Variants in DIDO1 observed in about 807,000 individuals in gnomAD.
DIDO1 encodes the protein death inducer-obliterator 1, also known as death-inducer obliterator 1.
DIDO1 carries 16 observed loss-of-function variants against 99.4 expected under a neutral mutation model. That is an observed-to-expected ratio of 0.16 (90% CI 0.11 to 0.24). The LOEUF (loss-of-function observed/expected upper bound fraction) is 0.24. Among genes scored for constraint, DIDO1 ranks in the 10% least tolerant of loss-of-function variants. DIDO1 has a pLI of 1.00. For missense variants in DIDO1, 2,996 were observed against 3,014.0 expected (o/e 0.99, Z 0.14); for synonymous variants, 1,366 against 1,239.1 (o/e 1.10, Z -2.15).
chr20:62,918,302 G>A (rs2065074251), intron 1 of DIDO1, among the ~76,000 whole-genome samples: 1 of 152,118 alleles, frequency 6.6e-6, no homozygotes, highest in African/African-American at 2.4e-5. Flanking sequence ...TAACTCAAGC[G>A]TGCCCACTTC....
At position 62,878,253 on chromosome 20, in the gene DIDO1, C is replaced by G. The variant is rs997453131; in HGVS notation, c.*980G>C. On this transcript the variant is annotated 3_prime_UTR_variant, in exon 16 of 16. Transcript: ENST00000395343. ...ACTTCAGAAGTACTCGAAAAATACA[C>G]GACAAGCAAGAGACTGTTTCACAGT... The G allele has an allele frequency of 1.3e-5, 2 of 151,964 alleles. No individual in the cohort carries two copies. The highest frequency in any genetic ancestry group is 6.5e-5 in the Admixed American group (1 of 15,272). The allele number at this position is 151,964 out of a possible 1,614,324, so 9.4% of individuals were successfully genotyped here. A position where few individuals can be genotyped will look rare whatever the true frequency, so the allele number is the denominator to read the frequency against.
rs771049913 is a variant in DIDO1 at position 62,880,498 on chromosome 20, A to G, written c.5458T>C (p.Tyr1820His). The change falls in exon 16 of 16, where the codon TAT (tyrosine) becomes CAT (histidine). Residue 1820 changes from tyrosine to histidine, a missense_variant. Physicochemically the swap from Tyr to His is moderately conservative, Grantham distance 83. Transcript: ENST00000395343. ...LFSGQHGPPP[Y>H]GDSRGPSPSY... ...GGTGAGGGGCCTCTGCTGTCCCCATAAGGAGGTGGCCCATGTTGCCCCGAG... is the reference window on the plus strand; with the variant it reads ...GGTGAGGGGCCTCTGCTGTCCCCATGAGGAGGTGGCCCATGTTGCCCCGAG... The G allele has an allele frequency of 3.7e-6, 6 of 1,612,956 alleles. No homozygotes were observed. Among genetic ancestry groups the G allele is most frequent in the Non-Finnish European group, 5.1e-6 (6 of 1,179,978 alleles).
intron 15 of DIDO1, chr20:62,890,681 C>T (rs1440255674): frequency 7.8e-7 from 1 of 1,286,544 alleles, no homozygotes; most frequent in Non-Finnish European, 9.9e-7. Flanking sequence ...GGCACTGAGT[C>T]TTCTCTGACC....
rs111494237 is a variant in DIDO1, at chr20:62,900,453, G to A, written c.1589-3457C>T. Among the ~76,000 whole-genome samples, 848 of 152,338 alleles carry A rather than the reference G, an allele frequency of 5.6e-3. 6 individuals carry two copies. The highest frequency in any genetic ancestry group is 0.019 in the African/African-American group (770 of 41,566). ...TGGGTGGCACCAGGGCCTGAGCAGA[G>A]ACGGGGAGGAGAAAATCAGGCCCCC... On this transcript the variant is annotated intron_variant, in intron 6 of 15. Coordinates refer to ENST00000395343, the MANE Select transcript of DIDO1 (RefSeq NM_001193369.2).
chr20:62,926,244 G>A (rs1292767880), intron 1 of DIDO1, among the ~76,000 whole-genome samples, 195 bp downstream of exon 1: 1 of 118,522 alleles, frequency 8.4e-6, no homozygotes, highest in Admixed American at 8.2e-5. Flanking sequence ...GGCTCTGACC[G>A]GCCCCGCCCG....
chr20:62,891,068 G>A lies in DIDO1; in HGVS notation c.3433C>T (p.Arg1145Cys). ...TTGTTATTAGCTACAACACCAAAGC[G>A]GCCACGGCTGCTGAAATAGGAGTAG... ...SLYSYFSSRG[R>C]FGVVANNNRH... The change falls in exon 15 of 16, where the codon CGC becomes TGC. Residue 1145 changes from arginine (R) to cysteine (C), a missense_variant. Physicochemically the swap from Arg to Cys is radical, Grantham distance 180. Around this residue, in one of 5 missense-constraint regions of DIDO1, gnomAD observed 135 missense variants for 202.3 expected, o/e 0.67. Transcript: ENST00000395343. 4 of 1,614,164 alleles carry A rather than the reference G, an allele frequency of 2.5e-6. No individual in the cohort carries two copies. Among genetic ancestry groups the A allele is most frequent in the Non-Finnish European group, 3.4e-6 (4 of 1,180,036 alleles).
chr20:62,882,017 C>T lies in DIDO1; in HGVS notation c.3939G>A (p.Pro1313=), dbSNP rs1308076764. 21 of 1,613,366 alleles carry T rather than the reference C, an allele frequency of 1.3e-5. No homozygotes were observed. The highest frequency in any genetic ancestry group is 1.7e-5 in the Non-Finnish European group (20 of 1,180,042). The change falls in exon 16 of 16, where the codon CCG becomes CCA. Residue 1313 remains proline, a synonymous_variant. Transcript: ENST00000395343. ...TASSASKTAS[P]LEHILQTLFG... is the part of the protein sequence containing the mutation. ...AGAGAGTCTGCAGGATGTGCTCCAG[C>T]GGTGATGCTGTTTTGGAAGCAGACG...
intron 15 of DIDO1, chr20:62,887,641 A>C: frequency 1.0e-6 from 1 of 985,516 alleles, no homozygotes; most frequent in Non-Finnish European, 1.2e-6. Flanking sequence ...GGGGCTGGGC[A>C]TGGTTAACAG....
At chr20:62,926,506 G>A (rs1274658401), upstream of DIDO1, 2 of 151,920 alleles carry the variant, frequency 1.3e-5, no homozygotes, top group Admixed American at 6.6e-5. Context: ...CCACCGAGAT[G>A]GCGCGGGGCT....
At chr20:62,936,095 C>G (rs529640687) in intron 1 of DIDO1, among the ~76,000 whole-genome samples, 207 of 152,326 alleles carry the variant, frequency 1.4e-3, no homozygotes, top group African/African-American at 4.6e-3. Flanking sequence ...GCTTTCTGCT[C>G]GTGCATCCCC....
intron 8 of DIDO1, 86 bp from the exon 9 acceptor site, chr20:62,895,251 A>G: frequency 7.8e-7 from 1 of 1,276,520 alleles, no homozygotes; most frequent in Non-Finnish European, 1.1e-6. Context: ...GCTGCCCAGA[A>G]GTTTAGCGGG....
At chr20:62,908,256 CAG>C (rs1308506148) in intron 4 of DIDO1, among the ~76,000 whole-genome samples, 1 of 152,170 alleles carries the variant, frequency 6.6e-6, no homozygotes, top group Non-Finnish European at 1.5e-5. Flanking sequence ...GCTGGGATGA[CAG>C]GTGTGAGCCA....
chr20:62,893,941 C>T lies in DIDO1; in HGVS notation c.2826G>A (p.Pro942=), dbSNP rs528994429. The part of the protein sequence containing the change: ...PPGDGHPEPS[P]LEDLSPCPAS... The stretch of plus-strand genomic sequence containing the variant: ...CTGGGCAGGGGGACAGGTCTTCCAG[C>T]GGGGAGGGCTCGGGATGGCCATCTC... Residue 942 remains proline (P), a synonymous_variant, in exon 12 of 16, where the codon CCG becomes CCA. Transcript: ENST00000395343. 5.0e-5 allele frequency: 80 copies of T among 1,612,098 alleles called. 1 individual carries two copies. In the Admixed American group the frequency reaches 8.7e-4, roughly 17 times the overall value.
At chr20:62,924,003 C>A (rs1323890194) in intron 1 of DIDO1, among the ~76,000 whole-genome samples, 3 of 152,170 alleles carry the variant, frequency 2.0e-5, no homozygotes, top group African/African-American at 7.2e-5. Flanking sequence ...TAAAATGAGG[C>A]CTAGACAACA....
Position 62,878,192 on chromosome 20 carries a change from T to C in DIDO1, c.*1041A>G, listed in dbSNP as rs2064138878. 6.6e-6 allele frequency: 1 copy of C among 152,234 alleles called. No individual in the cohort carries two copies. Among genetic ancestry groups the C allele is most frequent in the Middle Eastern group, 3.2e-3 (1 of 316 alleles). 9.4% of individuals were successfully genotyped at this position (152,234 alleles called of 1,614,324 possible). On this transcript the variant is annotated 3_prime_UTR_variant, in exon 16 of 16. Coordinates refer to ENST00000395343, the MANE Select transcript of DIDO1 (RefSeq NM_001193369.2). ...AATATAAAAAATTATCAAAGTGTAT[T>C]TGTACAAATAAATTAGCCAGATTTT...
Position 62,896,638 on chromosome 20 carries a change from G to A in DIDO1, c.1947C>T (p.Ala649=), listed in dbSNP as rs749569302. ...CCCCAAGGCGTCCTGGGGCTGGCGA[G>A]GCCATTGGAACAGAAGGTACCACTG... is the stretch of plus-strand genomic sequence containing the variant. ...RKPVVPSVPM[A]SPAPGRLGAM... is the part of the protein sequence containing the mutation. Residue 649 remains alanine (A), a synonymous_variant, in exon 7 of 16, where the codon GCC becomes GCT. Coordinates refer to ENST00000395343, the MANE Select transcript of DIDO1 (RefSeq NM_001193369.2). The surrounding 1 kb of genome is among the most constrained non-coding windows in gnomAD (Gnocchi z 4.4). 3 of 1,613,952 alleles carry A rather than the reference G, an allele frequency of 1.9e-6. No individual in the cohort carries two copies. Among genetic ancestry groups the A allele is most frequent in the Non-Finnish European group, 2.5e-6 (3 of 1,179,838 alleles).
intron 1 of DIDO1, among the ~76,000 whole-genome samples, chr20:62,937,633 CG>C (rs2065406008): frequency 1.3e-5 from 2 of 152,216 alleles, no homozygotes; most frequent in Non-Finnish European, 1.5e-5. Context: ...AGCCCGGTCT[CG>C]GGTCAGCCGT....
chr20:62,911,459 G>C lies in DIDO1; in HGVS notation c.154C>G (p.Pro52Ala). The change falls in exon 3 of 16, where the codon CCC becomes GCC. Residue 52 changes from proline (P) to alanine (A), a missense_variant. Physicochemically the swap from Pro to Ala is conservative, Grantham distance 27. Transcript: ENST00000395343. This position sits in a 1 kb window ranked among gnomAD's most constrained non-coding sequence, Gnocchi z 7.0. ...GACAGGCCCAGCTGCTGCTGTGGGG[G>C]TGGCGGCTCCAGTGGGTCAGCCTCC... The part of the protein sequence containing the change: ...DAEADPLEPP[P>A]PQQQLGLSLR... 6.2e-7 allele frequency: 1 copy of C among 1,612,164 alleles called. No homozygotes were observed. The highest frequency in any genetic ancestry group is 8.5e-7 in the Non-Finnish European group (1 of 1,179,180).
intron 13 of DIDO1, among the ~76,000 whole-genome samples, 165 bp downstream of exon 13, chr20:62,892,644 T>C (rs1397850649): frequency 6.6e-6 from 1 of 152,226 alleles, no homozygotes; most frequent in African/African-American, 2.4e-5. Context: ...ATCGCCACTT[T>C]GCATTTAGAG....
Sources: gnomAD v4.1 joint callset for allele counts (sites outside exome capture counted in the v4.1 genomes callset) on GRCh38, gnomAD v4.1.1 for gene constraint, gnomAD v4.1.1 regional missense constraint, Gnocchi (gnomAD v3.1) non-coding constraint, MANE v1.5 for transcripts, NCBI Gene and HGNC (gene_info 2026-07-23, HGNC 2026-07-21) for gene names.